OXR1: variants seen among roughly 807,000 people sequenced by gnomAD.
OXR1 encodes oxidation resistance 1.
In OXR1, 41 loss-of-function variants were observed where a neutral mutation model predicts 104.6. The ratio of observed to expected loss-of-function variants is 0.39; its 90% CI spans 0.31 to 0.51. OXR1 has a LOEUF of 0.51. Among genes scored for constraint, OXR1 ranks in the 20% least tolerant of loss-of-function variants. The pLI is 0.77. For synonymous variants in OXR1, 348 were observed against 348.4 expected, an observed-to-expected ratio of 1.00 and a Z score of 0.01; for missense variants, 955 against 1,031.9, an observed-to-expected ratio of 0.93 and a Z score of 1.02.
At chr8:106,698,728 G>A (rs544849740) in intron 7 of OXR1, among the ~76,000 whole-genome samples, 2 of 151,900 alleles carry the variant, frequency 1.3e-5, no homozygotes, top group East Asian at 3.9e-4. Flanking sequence ...TTCATACTGG[G>A]TCCCTTATAT....
chr8:106,703,620 A>G (rs1830791239), intron 8 of OXR1, among the ~76,000 whole-genome samples: 1 of 152,140 alleles, frequency 6.6e-6, no homozygotes, highest in Non-Finnish European at 1.5e-5. Flanking sequence ...GCTCAAATAT[A>G]AAGAGTTAAC....
chr8:106,699,583 A>G (rs1830407626), intron 7 of OXR1, among the ~76,000 whole-genome samples: 1 of 152,174 alleles, frequency 6.6e-6, no homozygotes, highest in African/African-American at 2.4e-5. Flanking sequence ...TGTTTATTGT[A>G]GTTTTAGGCA....
At chr8:106,637,761 C>CTT (rs71307078) in intron 3 of OXR1, among the ~76,000 whole-genome samples, 9,959 of 128,342 alleles carry the variant, frequency 0.078, 543 homozygotes, top group East Asian at 0.22. Context: ...ATAGTTTCGA[C>CTT]TTTTTTTTTT....
At chr8:106,718,407 G>A (rs1170657617) in intron 11 of OXR1, among the ~76,000 whole-genome samples, 3 of 152,182 alleles carry the variant, frequency 2.0e-5, no homozygotes, top group African/African-American at 7.2e-5. Context: ...GTGGTCAGGA[G>A]TAAAAGTTCC....
At chr8:106,577,266 A>C (rs184151463) in intron 3 of OXR1, among the ~76,000 whole-genome samples, 1 of 150,028 alleles carries the variant, frequency 6.7e-6, no homozygotes, top group East Asian at 2.0e-4. Flanking sequence ...ACTGGAATGC[A>C]GTGGTGCAAT....
At chr8:106,611,971 T>C (rs1405225887) in intron 3 of OXR1, among the ~76,000 whole-genome samples, 2 of 152,136 alleles carry the variant, frequency 1.3e-5, no homozygotes, top group Non-Finnish European at 2.9e-5. Flanking sequence ...CTGTTTTTCG[T>C]GAGAACTGCC....
intron 1 of OXR1, among the ~76,000 whole-genome samples, chr8:106,350,625 G>T (rs1370800366): frequency 6.6e-6 from 1 of 152,202 alleles, no homozygotes. Context: ...GTTACCATCT[G>T]TGCTGATCTG....
At chr8:106,318,135 A>C (rs910187037) in intron 1 of OXR1, among the ~76,000 whole-genome samples, 3 of 152,158 alleles carry the variant, frequency 2.0e-5, no homozygotes, top group Admixed American at 6.5e-5. Flanking sequence ...TTTAACCTTG[A>C]GAATAATTGT....
At chr8:106,344,919 A>G (rs921895901) in intron 1 of OXR1, among the ~76,000 whole-genome samples, 13 of 152,136 alleles carry the variant, frequency 8.5e-5, no homozygotes, top group Non-Finnish European at 1.9e-4. Context: ...CTGACACATC[A>G]TCTCTCAAAA....
intron 2 of OXR1, among the ~76,000 whole-genome samples, chr8:106,403,740 A>G (rs903115746): frequency 6.6e-6 from 1 of 152,224 alleles, no homozygotes; most frequent in African/African-American, 2.4e-5. Flanking sequence ...GTCTAGATCA[A>G]TAAGTTTGGC....
chr8:106,272,153 A>G (rs1490898020), intron 1 of OXR1: 1 of 152,204 alleles, frequency 6.6e-6, no homozygotes, highest in Non-Finnish European at 1.5e-5. Context: ...TTTCTGTGCA[A>G]AAACACCTTT....
At chr8:106,433,852 A>G (rs1819462179) in intron 2 of OXR1, among the ~76,000 whole-genome samples, 1 of 152,210 alleles carries the variant, frequency 6.6e-6, no homozygotes. Flanking sequence ...TGAAAGGAAC[A>G]TTCGTTTAAA....
intron 2 of OXR1, among the ~76,000 whole-genome samples, chr8:106,458,029 C>G (rs573239682): frequency 6.6e-6 from 1 of 152,216 alleles, no homozygotes; most frequent in East Asian, 1.9e-4. Context: ...GGAAAACTCT[C>G]AGCCTGGCTG....
chr8:106,674,675 C>G (rs1193417324), intron 3 of OXR1, among the ~76,000 whole-genome samples: 4 of 152,128 alleles, frequency 2.6e-5, no homozygotes, highest in Admixed American at 2.0e-4. Context: ...TATCCCCATA[C>G]TCTCCCTGAG....
chr8:106,646,167 G>A (rs2045789), intron 3 of OXR1, among the ~76,000 whole-genome samples: 43,378 of 151,334 alleles, frequency 0.29, 7,110 homozygotes, highest in South Asian at 0.39. Flanking sequence ...GTGCAGTGGC[G>A]TGATCTCGGC....
At chr8:106,507,287 T>C (rs1812230925) in intron 2 of OXR1, among the ~76,000 whole-genome samples, 1 of 152,128 alleles carries the variant, frequency 6.6e-6, no homozygotes, top group Non-Finnish European at 1.5e-5. Context: ...CTATAGACTA[T>C]TGAGTTGAGT....
intron 11 of OXR1, among the ~76,000 whole-genome samples, chr8:106,732,757 A>G (rs540573082): frequency 6.6e-6 from 1 of 152,242 alleles, no homozygotes; most frequent in African/African-American, 2.4e-5. Context: ...AATTCTGTAC[A>G]TTTGTACATT....
intron 2 of OXR1, among the ~76,000 whole-genome samples, chr8:106,476,172 A>T (rs1821800566): frequency 6.6e-6 from 1 of 151,736 alleles, no homozygotes; most frequent in African/African-American, 2.4e-5. Flanking sequence ...GGTCCTTATG[A>T]CCTTCTGATC....
chr8:106,503,621 T>A (rs1455043948), intron 2 of OXR1, among the ~76,000 whole-genome samples: 2 of 151,986 alleles, frequency 1.3e-5, no homozygotes, highest in African/African-American at 2.4e-5. Context: ...AGACTTTGAG[T>A]CAAATACGAG....
Sources: allele counts gnomAD v4.1 joint callset (sites outside exome capture counted in the v4.1 genomes callset), GRCh38; gene constraint gnomAD v4.1.1; transcripts MANE v1.5; gene names NCBI Gene and HGNC (gene_info 2026-07-23, HGNC 2026-07-21).